The following NUP93 variants were observed in gnomAD, a reference collection of about 807,000 sequenced individuals.
NUP93 encodes the protein nuclear pore complex protein Nup93.
Under a neutral mutation model 107.8 loss-of-function variants are expected in NUP93, and 55 were observed. The observed-to-expected ratio is 0.51, with a 90% CI of 0.41 to 0.64. The LOEUF is 0.64. Ranked by LOEUF, NUP93 falls within the 30% of genes least tolerant of loss-of-function variation. NUP93 has a pLI of 0.00. For synonymous variants in NUP93, 390 were observed against 397.5 expected, an observed-to-expected ratio of 0.98 and a Z score of 0.22; for missense variants, 937 against 1,044.7, an observed-to-expected ratio of 0.90 and a Z score of 1.42.
intron 5 of NUP93, 141 bp downstream of exon 5, chr16:56,805,773 G>A (rs1210159338): frequency 2.9e-5 from 26 of 898,442 alleles, no homozygotes; most frequent in East Asian, 5.6e-5. Context: ...TTAGGATGCC[G>A]CATTTGCCTG....
At chr16:56,842,693 C>G (rs867079971) in intron 21 of NUP93, 1 of 432,396 alleles carries the variant, frequency 2.3e-6, no homozygotes. Context: ...GCTGGGACTA[C>G]AGGTACGCAC....
chr16:56,830,775 GCCCAAAACAAGTT>G (rs1963768053), intron 10 of NUP93, 90 bp downstream of exon 10: 1 of 1,242,880 alleles, frequency 8.0e-7, no homozygotes, highest in South Asian at 2.2e-5. Flanking sequence ...CCCTGGACGG[GCCCAAAACAAGTT>G]TCTGCTTGGG....
At chr16:56,762,414 G>A (rs1962142814) in intron 3 of NUP93, among the ~76,000 whole-genome samples, 1 of 152,144 alleles carries the variant, frequency 6.6e-6, no homozygotes. Context: ...AATGGCATTA[G>A]ACTTTCAAAA....
Position 56,842,983 on chromosome 16 carries a change from C to T in NUP93, c.2349+1150C>T, listed in dbSNP as rs77236490. On this transcript the variant is annotated intron_variant, in intron 21 of 21. Transcript: ENST00000308159. ...CAAGAAGCCTTGATCTGTCTTCTGC[C>T]TCCAAGATGTCTGTGAGCTCTTTCC... Among the ~76,000 whole-genome samples, 482 of 152,306 alleles carry T rather than the reference C, an allele frequency of 3.2e-3. 2 individuals are homozygous for T. Among genetic ancestry groups the T allele is most frequent in the African/African-American group, 0.011 (459 of 41,556 alleles).
chr16:56,840,708 G>A (rs1178717529), intron 20 of NUP93, among the ~76,000 whole-genome samples: 1 of 152,134 alleles, frequency 6.6e-6, no homozygotes, highest in Non-Finnish European at 1.5e-5. Context: ...TTTATAAAAT[G>A]TCTCCAGCCA....
At chr16:56,734,571 G>A (rs1961582939) in intron 1 of NUP93, among the ~76,000 whole-genome samples, 1 of 152,192 alleles carries the variant, frequency 6.6e-6, no homozygotes, top group Admixed American at 6.5e-5. Flanking sequence ...AACAGACTGG[G>A]AAGTGGGAGG....
chr16:56,781,721 A>T (rs1431682460), intron 3 of NUP93: 3 of 575,178 alleles, frequency 5.2e-6, no homozygotes, highest in Non-Finnish European at 6.6e-6. Context: ...TGGGTTGGGG[A>T]AAAAAAGTAT....
intron 1 of NUP93, among the ~76,000 whole-genome samples, chr16:56,745,188 T>C (rs1395010002): frequency 6.6e-6 from 1 of 152,078 alleles, no homozygotes; most frequent in African/African-American, 2.4e-5. Context: ...GGAGTCAGCC[T>C]TGAGTGTTTC....
rs777262983 is a variant in NUP93, at chr16:56,846,864, C to G, written c.*2255C>G. On this transcript the variant is annotated 3_prime_UTR_variant, in exon 22 of 22. Transcript: ENST00000308159. ...AAATACATGTTTGCTCCTGGCTTAC[C>G]TCTTCTTCACTATCCCATGAGAATC... 4 of 152,188 alleles carry G rather than the reference C, an allele frequency of 2.6e-5. No individual in the cohort carries two copies. Among genetic ancestry groups the G allele is most frequent in the Non-Finnish European group, 1.5e-5 (1 of 68,042 alleles). The allele number at this position is 152,188 out of a possible 1,614,324, so 9.4% of individuals were successfully genotyped here.
At chr16:56,786,119 C>G (rs1393779022) in intron 3 of NUP93, among the ~76,000 whole-genome samples, 1 of 151,956 alleles carries the variant, frequency 6.6e-6, no homozygotes, top group African/African-American at 2.4e-5. Flanking sequence ...ATATTTTGGC[C>G]ACCTTCAAAA....
At chr16:56,751,273 A>G (rs1192359016) in intron 2 of NUP93, among the ~76,000 whole-genome samples, 2 of 152,168 alleles carry the variant, frequency 1.3e-5, no homozygotes, top group African/African-American at 2.4e-5. Context: ...ATACTTCTCC[A>G]TGTTCATGCA....
At chr16:56,783,609 G>A (rs1962560982) in intron 3 of NUP93, 1 of 985,404 alleles carries the variant, frequency 1.0e-6, no homozygotes, top group African/African-American at 1.7e-5. Context: ...TCTGAAGTGG[G>A]TGGATGCCAG....
Position 56,770,780 on chromosome 16 carries a change from T to A in NUP93, c.297+12125T>A, listed in dbSNP as rs143188202. 8.0e-4 allele frequency among the ~76,000 whole-genome samples: 121 copies of A among 152,084 alleles called. No individual in the cohort carries two copies. The East Asian group carries it at 0.017, about 21-fold the overall frequency. On this transcript the variant is annotated intron_variant, in intron 3 of 21. Transcript: ENST00000308159. Reference sequence around the variant, plus strand: ...AAATAGACTGTAAAAGTGGCCCTCATAGGCCGGGCGCAGTAGCTCAAGCCT... The same window carrying A: ...AAATAGACTGTAAAAGTGGCCCTCAAAGGCCGGGCGCAGTAGCTCAAGCCT...
chr16:56,759,966 A>G (rs1378675007), intron 3 of NUP93, among the ~76,000 whole-genome samples: 1 of 152,192 alleles, frequency 6.6e-6, no homozygotes, highest in African/African-American at 2.4e-5. Flanking sequence ...GATGCACTTC[A>G]TGCATTTCGA....
rs547338614 is a variant in NUP93, at chr16:56,818,735, G to A, written c.561G>A (p.Arg187=). 1.2e-6 allele frequency: 2 copies of A among 1,613,420 alleles called. No homozygotes were observed. The highest frequency in any genetic ancestry group is 1.7e-5 in the Admixed American group (1 of 59,996). ...ATAACATCGAGATGGCCTATGCGCG[G>A]CAAGTGAGTGTGATTTTAAGGGGGA... ...SLDNIEMAYA[R]QIYIYNEKIV... Residue 187 remains arginine, a synonymous_variant, in exon 6 of 22, where the codon CGG becomes CGA. Coordinates refer to ENST00000308159, the MANE Select transcript of NUP93 (RefSeq NM_014669.5).
chr16:56,837,872 C>A, intron 18 of NUP93, 146 bp downstream of exon 18: 1 of 614,244 alleles, frequency 1.6e-6, no homozygotes, highest in Non-Finnish European at 2.9e-6. Flanking sequence ...ATGCCACCAG[C>A]ACTGTGTGAG....
chr16:56,764,643 G>C (rs1047316140), intron 3 of NUP93, among the ~76,000 whole-genome samples: 1 of 152,194 alleles, frequency 6.6e-6, no homozygotes. Context: ...TCACTAATTG[G>C]ATGTTTGTAG....
At chr16:56,839,473 A>G (rs770320416) in intron 19 of NUP93, 48 bp from the exon 20 acceptor site, 1 of 1,472,434 alleles carries the variant, frequency 6.8e-7, no homozygotes, top group Admixed American at 2.0e-5. Flanking sequence ...GAGAGATGAA[A>G]TGACTGTGAT....
chr16:56,772,053 T>G (rs1179348739), intron 3 of NUP93, among the ~76,000 whole-genome samples: 1 of 152,206 alleles, frequency 6.6e-6, no homozygotes, highest in Non-Finnish European at 1.5e-5. Flanking sequence ...TTTCTTCCTT[T>G]CACTTTTGCT....
Sources: gnomAD v4.1 joint callset for allele counts (sites outside exome capture counted in the v4.1 genomes callset) on GRCh38, gnomAD v4.1.1 for gene constraint, MANE v1.5 for transcripts, NCBI Gene and HGNC (gene_info 2026-07-23, HGNC 2026-07-21) for gene names.